ULK4: variants seen among roughly 807,000 people sequenced by gnomAD.
ULK4 encodes the protein unc-51 like kinase 4.
In ULK4, 133 loss-of-function variants were observed where a neutral mutation model predicts 160.6. The observed-to-expected ratio is 0.83, with a 90% CI of 0.72 to 0.96. The LOEUF is 0.96. Among genes scored for constraint, ULK4 ranks in the 40% least tolerant of loss-of-function variants. ULK4 has a pLI of 0.00. For synonymous variants in ULK4, 534 were observed against 539.8 expected (o/e 0.99, Z 0.15); for missense variants, 1,580 against 1,499.5 (o/e 1.05, Z -0.89).
intron 22 of ULK4, among the ~76,000 whole-genome samples, chr3:41,731,681 A>T (rs933354921): frequency 2.0e-5 from 3 of 151,694 alleles, no homozygotes; most frequent in African/African-American, 7.3e-5. Context: ...TGGGGGAAAA[A>T]AAAAAAAAAA....
intron 35 of ULK4, among the ~76,000 whole-genome samples, chr3:41,269,988 C>T (rs1559497325): frequency 6.6e-6 from 1 of 152,024 alleles, no homozygotes; most frequent in African/African-American, 2.4e-5. Context: ...ATAAAGTAGA[C>T]TGTTTTCTAT....
intron 7 of ULK4, 79 bp from the exon 8 acceptor site, chr3:41,916,131 A>C: frequency 1.2e-6 from 1 of 861,260 alleles, no homozygotes; most frequent in Non-Finnish European, 1.8e-6. Flanking sequence ...TTACATCAAC[A>C]TTTAAAGCAA....
chr3:41,596,664 T>C (rs894615492), intron 31 of ULK4, among the ~76,000 whole-genome samples: 11 of 151,890 alleles, frequency 7.2e-5, no homozygotes, highest in Admixed American at 1.3e-4. Flanking sequence ...GTCATAAAGG[T>C]AGTTCAATTA....
chr3:41,794,685 A>AAAAAAAAAAAAAAAAAAAAAAAAAAAAC (rs1553654846), intron 20 of ULK4, among the ~76,000 whole-genome samples: 2 of 129,088 alleles, frequency 1.5e-5, no homozygotes, highest in Non-Finnish European at 3.2e-5. Context: ...AAAAAAAAAA[A>AAAAAAAAAAAAAAAAAAAAAAAAAAAAC]ACACAGAAAA....
chr3:41,412,127 A>G (rs2082421438), intron 34 of ULK4, among the ~76,000 whole-genome samples: 1 of 152,176 alleles, frequency 6.6e-6, no homozygotes, highest in African/African-American at 2.4e-5. Flanking sequence ...AAAAACACAA[A>G]ATCTATTGCA....
At chr3:41,862,187 AT>A (rs745320113) in intron 17 of ULK4, among the ~76,000 whole-genome samples, 1 of 151,990 alleles carries the variant, frequency 6.6e-6, no homozygotes, top group East Asian at 1.9e-4. Flanking sequence ...ACGCCAATAT[AT>A]TTTTCAGTGT....
intron 35 of ULK4, among the ~76,000 whole-genome samples, chr3:41,302,212 AAAAGTCATTTTT>A (rs2079815383): frequency 1.3e-5 from 2 of 152,206 alleles, no homozygotes; most frequent in Admixed American, 1.3e-4. Context: ...ATAACTTTTT[AAAAGTCATTTTT>A]AAAAATTACA....
At chr3:41,485,426 TA>T (rs2125900935) in intron 32 of ULK4, among the ~76,000 whole-genome samples, 1 of 152,248 alleles carries the variant, frequency 6.6e-6, no homozygotes, top group East Asian at 1.9e-4. Flanking sequence ...TATAGAAGGC[TA>T]AAAAATAAGT....
chr3:41,456,050 C>T (rs1410040780), intron 33 of ULK4, among the ~76,000 whole-genome samples: 1 of 152,176 alleles, frequency 6.6e-6, no homozygotes, highest in Non-Finnish European at 1.5e-5. Flanking sequence ...GCTAAGATTA[C>T]AGGCTCTTGC....
intron 31 of ULK4, among the ~76,000 whole-genome samples, chr3:41,584,647 G>A (rs917540168): frequency 2.0e-4 from 30 of 152,112 alleles, no homozygotes; most frequent in Admixed American, 5.2e-4. Context: ...ATAAACAAGA[G>A]ATGTGGGAAG....
At chr3:41,753,957 G>A (rs2038710529) in intron 22 of ULK4, among the ~76,000 whole-genome samples, 1 of 152,180 alleles carries the variant, frequency 6.6e-6, no homozygotes, top group Non-Finnish European at 1.5e-5. Flanking sequence ...GTGCCAGCAT[G>A]GGAAATGCCA....
intron 35 of ULK4, among the ~76,000 whole-genome samples, chr3:41,341,142 G>A (rs1411664492): frequency 3.3e-5 from 5 of 152,162 alleles, no homozygotes; most frequent in East Asian, 1.9e-4. Context: ...AAGAAGCTAC[G>A]ATGTTCTCTA....
At position 41,800,297 on chromosome 3, in the gene ULK4, T is replaced by C. The variant is rs2040421035; in HGVS notation, c.1849-4A>G. The C allele has an allele frequency of 6.9e-6, 11 of 1,604,034 alleles. No individual in the cohort carries two copies. Among genetic ancestry groups the C allele is most frequent in the East Asian group, 2.2e-5 (1 of 44,798 alleles). On this transcript the variant is annotated splice_region_variant and splice_polypyrimidine_tract_variant and intron_variant, in intron 19 of 36. Transcript: ENST00000301831. ...TGTGATTCACAACACGCTCTTCCTA[T>C]AGAGAAAGGAGATTAAAATAATATT...
intron 32 of ULK4, among the ~76,000 whole-genome samples, chr3:41,486,394 G>A (rs1331827934): frequency 6.6e-6 from 1 of 152,078 alleles, no homozygotes; most frequent in Admixed American, 6.5e-5. Context: ...ATAAACAAAG[G>A]TAACCCAAAT....
intron 27 of ULK4, among the ~76,000 whole-genome samples, chr3:41,685,474 T>A (rs1297313103): frequency 6.6e-6 from 1 of 152,214 alleles, no homozygotes; most frequent in Non-Finnish European, 1.5e-5. Context: ...TGTTCTTCTA[T>A]GCTCCCATAA....
chr3:41,518,717 T>C (rs1456961710), intron 32 of ULK4, among the ~76,000 whole-genome samples: 1 of 152,182 alleles, frequency 6.6e-6, no homozygotes, highest in African/African-American at 2.4e-5. Flanking sequence ...CAGCACTGGT[T>C]CTATCAGTTA....
At chr3:41,550,620 C>T (rs1691972) in intron 32 of ULK4, among the ~76,000 whole-genome samples, 63,479 of 151,702 alleles carry the variant, frequency 0.42, 14,732 homozygotes, top group Non-Finnish European at 0.51. Context: ...TACCCAATGC[C>T]ACAGAACCCA....
At chr3:41,326,543 C>T (rs1187928803) in intron 35 of ULK4, among the ~76,000 whole-genome samples, 1 of 151,532 alleles carries the variant, frequency 6.6e-6, no homozygotes, top group Non-Finnish European at 1.5e-5. Flanking sequence ...AAGAAAGTAA[C>T]AGGTGAAAGG....
rs149369057 is a variant in ULK4, at chr3:41,864,426, C to T, written c.1656+19448G>A. The stretch of plus-strand genomic sequence containing the variant: ...CTTTCAGCGATATGAGATTAAAACC[C>T]GGTACTATGAGTGCTCACCGGATTT... On this transcript the variant is annotated intron_variant, in intron 17 of 36. Transcript: ENST00000301831. Among the ~76,000 whole-genome samples, 81 of 152,038 alleles carry T rather than the reference C, an allele frequency of 5.3e-4. No individual in the cohort carries two copies. The East Asian group carries it at 9.1e-3, about 17-fold the overall frequency.
Sources: gnomAD v4.1 joint callset for allele counts (sites outside exome capture counted in the v4.1 genomes callset) on GRCh38, gnomAD v4.1.1 for gene constraint, MANE v1.5 for transcripts, NCBI Gene and HGNC (gene_info 2026-07-23, HGNC 2026-07-21) for gene names.